The following INSL6 variants were observed in gnomAD, a reference collection of about 807,000 sequenced individuals.
INSL6 encodes the protein insulin like 6.
In INSL6, 16 loss-of-function variants were observed where a neutral mutation model predicts 9.4. The observed-to-expected ratio is 1.70, with a 90% CI of 1.15 to 2.59. The LOEUF is 2.59. Among genes scored for constraint, INSL6 ranks in the 30% most tolerant of loss-of-function variants. The pLI is 0.00. For missense variants in INSL6, 391 were observed against 257.3 expected (o/e 1.52, Z -3.56); for synonymous variants, 154 against 96.9 (o/e 1.59, Z -3.46).
chr9:5,170,758 T>C (rs933590610), intron 1 of INSL6, among the ~76,000 whole-genome samples: 1 of 152,044 alleles, frequency 6.6e-6, no homozygotes, highest in Non-Finnish European at 1.5e-5. Flanking sequence ...GATAAATTCC[T>C]GAACACATAC....
At chr9:5,041,788 G>A in the INSL6 span, 1 of 487,028 alleles carries the variant, frequency 2.1e-6, no homozygotes, top group Non-Finnish European at 4.1e-6. Flanking sequence ...CCTCAGCTTC[G>A]GGACAAAGAT....
At chr9:5,087,393 A>C in the INSL6 span, among the ~76,000 whole-genome samples, 1 of 152,184 alleles carries the variant, frequency 6.6e-6, no homozygotes, top group East Asian at 1.9e-4. Flanking sequence ...GCCTCCCACC[A>C]GGTCCTTCCA....
At chr9:5,050,405 G>T in the INSL6 span, among the ~76,000 whole-genome samples, 1 of 152,040 alleles carries the variant, frequency 6.6e-6, no homozygotes, top group Non-Finnish European at 1.5e-5. Flanking sequence ...CAAGTAGCTG[G>T]GACTGCAGGT....
chr9:5,151,600 A>G (rs982922763), intron 2 of INSL6, among the ~76,000 whole-genome samples: 5 of 152,132 alleles, frequency 3.3e-5, no homozygotes, highest in African/African-American at 1.2e-4. Flanking sequence ...TTAGTCCGTG[A>G]TATAAAGATG....
At chr9:5,041,537 C>T in the INSL6 span, 3 of 537,120 alleles carry the variant, frequency 5.6e-6, no homozygotes, top group Admixed American at 2.2e-5. Context: ...AAGTGCTCTG[C>T]GAGAACTTCC....
chr9:5,092,927 T>G, the INSL6 span, among the ~76,000 whole-genome samples: 2 of 152,176 alleles, frequency 1.3e-5, no homozygotes, highest in African/African-American at 4.8e-5. Flanking sequence ...GAACCAACCT[T>G]CCTACAGAGA....
the INSL6 span, among the ~76,000 whole-genome samples, chr9:5,053,982 A>C: frequency 6.6e-6 from 1 of 152,120 alleles, no homozygotes; most frequent in Non-Finnish European, 1.5e-5. Flanking sequence ...CTTCTTTAGA[A>C]TATTGTACAT....
the INSL6 span, chr9:5,072,418 T>C: frequency 4.4e-6 from 5 of 1,125,800 alleles, no homozygotes; most frequent in Admixed American, 2.8e-5. Context: ...TTCTTCCTCA[T>C]TGAATGTATT....
At chr9:5,117,482 C>A in the INSL6 span, among the ~76,000 whole-genome samples, 27 of 152,218 alleles carry the variant, frequency 1.8e-4, no homozygotes, top group Non-Finnish European at 3.2e-4. Flanking sequence ...GTTATTTGCT[C>A]TTTTCACTCA....
chr9:5,132,494 G>A (rs1824310398), intron 3 of INSL6, among the ~76,000 whole-genome samples: 1 of 151,662 alleles, frequency 6.6e-6, no homozygotes, highest in Non-Finnish European at 1.5e-5. Flanking sequence ...TCTCACAGTT[G>A]CTCCAACAAC....
At chr9:5,177,682 C>A (rs879774342) in intron 1 of INSL6, among the ~76,000 whole-genome samples, 2 of 152,162 alleles carry the variant, frequency 1.3e-5, no homozygotes, top group Non-Finnish European at 2.9e-5. Flanking sequence ...TCCAGCCACC[C>A]AAAGCAAAAG....
At chr9:5,035,679 A>C in the INSL6 span, among the ~76,000 whole-genome samples, 1 of 152,260 alleles carries the variant, frequency 6.6e-6, no homozygotes, top group South Asian at 2.1e-4. Flanking sequence ...AAAATTCAAC[A>C]ACCCTTCATG....
intron 3 of INSL6, among the ~76,000 whole-genome samples, chr9:5,131,330 A>T (rs1432032260): frequency 6.6e-6 from 1 of 151,838 alleles, no homozygotes; most frequent in African/African-American, 2.4e-5. Flanking sequence ...AACATTTAAG[A>T]CCCCTCAATT....
At chr9:4,993,747 A>G in the INSL6 span, among the ~76,000 whole-genome samples, 2 of 152,186 alleles carry the variant, frequency 1.3e-5, no homozygotes, top group Non-Finnish European at 2.9e-5. Flanking sequence ...TCCTGGCTAT[A>G]TAGCAGGTCC....
At chr9:5,118,844 T>C in the INSL6 span, among the ~76,000 whole-genome samples, 2 of 152,202 alleles carry the variant, frequency 1.3e-5, no homozygotes, top group Non-Finnish European at 2.9e-5. Flanking sequence ...GTTTCAATTT[T>C]ATTAAAAGCA....
chr9:5,110,183 A>G, the INSL6 span: 1 of 152,208 alleles, frequency 6.6e-6, no homozygotes, highest in Non-Finnish European at 1.5e-5. Context: ...TAGAAGGCCC[A>G]ACCCCAGCCT....
the INSL6 span, chr9:5,110,216 T>C: frequency 3.3e-5 from 5 of 152,218 alleles, no homozygotes; most frequent in Admixed American, 3.3e-4. Flanking sequence ...ACTCCAGCAC[T>C]ATAGTTGTAG....
chr9:5,061,545 C>T, the INSL6 span, among the ~76,000 whole-genome samples: 3 of 152,234 alleles, frequency 2.0e-5, no homozygotes, highest in Admixed American at 2.0e-4. Flanking sequence ...TCTGCAGCTT[C>T]CTCACCTCTC....
intron 1 of INSL6, among the ~76,000 whole-genome samples, chr9:5,182,374 T>G (rs1825476821): frequency 6.6e-6 from 1 of 151,858 alleles, no homozygotes; most frequent in Admixed American, 6.6e-5. Context: ...ATAAACACAT[T>G]ACAACAATTG....
Sources: allele counts gnomAD v4.1 joint callset (sites outside exome capture counted in the v4.1 genomes callset), GRCh38; gene constraint gnomAD v4.1.1; transcripts MANE v1.5; gene names NCBI Gene and HGNC (gene_info 2026-07-23, HGNC 2026-07-21).